The following OR6B2 variants were observed in gnomAD, a reference collection of about 807,000 sequenced individuals.
OR6B2 encodes olfactory receptor 6B2.
For missense variants in OR6B2, 275 were observed against 386.8 expected, an observed-to-expected ratio of 0.71 and a Z score of 2.42; for synonymous variants, 155 against 171.5, an observed-to-expected ratio of 0.90 and a Z score of 0.75.
Position 240,029,861 on chromosome 2 carries a change from G to T in OR6B2, c.569C>A (p.Thr190Lys). The T allele has an allele frequency of 6.2e-7, 1 of 1,603,726 alleles. No homozygotes were observed. Among genetic ancestry groups the T allele is most frequent in the Non-Finnish European group, 8.5e-7 (1 of 1,170,618 alleles). The part of the protein sequence containing the change: ...DISPILKLAC[T>K]DFSTAELVDF... ...CACCAGCTCTGCAGTGGAGAAGTCC[G>T]TGCAGGCCAGCTTGAGGATGGGGGA... The change falls in exon 1 of 1, where the codon ACG (threonine) becomes AAG (lysine). Residue 190 changes from threonine (T) to lysine (K), a missense_variant. Coordinates refer to ENST00000319423, the MANE Select transcript of OR6B2 (RefSeq NM_001005853.1). The surrounding 1 kb of genome is among the most constrained non-coding windows in gnomAD (Gnocchi z 5.2).
In OR6B2 at chr2:240,030,346, G is replaced by A. The variant is rs867049635; in HGVS notation, c.84C>T (p.Phe28=). 7.4e-6 allele frequency: 12 copies of A among 1,612,340 alleles called. No individual in the cohort carries two copies. Among genetic ancestry groups the A allele is most frequent in the Admixed American group, 1.7e-5 (1 of 60,004 alleles). ...AGAGGTAGGTGAGCAGGAAGAGGAGGAAGAGCAGGTACTGCAGCCCTGGGG... is the reference window on the plus strand; with the variant it reads ...AGAGGTAGGTGAGCAGGAAGAGGAGAAAGAGCAGGTACTGCAGCCCTGGGG... ...PTAPGLQYLL[F]LLFLLTYLFV... The change falls in exon 1 of 1, where the codon TTC becomes TTT. Residue 28 remains phenylalanine, a synonymous_variant. Coordinates refer to ENST00000319423, the MANE Select transcript of OR6B2 (RefSeq NM_001005853.1).
rs577181745 is a variant in OR6B2, at chr2:240,030,174, G to T, written c.256C>A (p.Leu86Ile). 10 of 1,609,344 alleles carry T rather than the reference G, an allele frequency of 6.2e-6. No homozygotes were observed. The African/African-American group carries it at 1.3e-4, about 22-fold the overall frequency. ...DITPKMLEGF[L>I]LQQKRISFVG... ...AAAGAGATGCGTTTCTGCTGGAGGA[G>T]GAAGCCCTCCAGCATCTTGGGGGTG... The change falls in exon 1 of 1, where the codon CTC (leucine) becomes ATC (isoleucine). Residue 86 changes from leucine to isoleucine, a missense_variant. Leu to Ile is a conservative substitution (Grantham distance 5). Transcript: ENST00000319423.
rs936920628 is a variant in OR6B2 at position 240,029,732 on chromosome 2, C to G, written c.698G>C (p.Gly233Ala). 10 of 1,613,552 alleles carry G rather than the reference C, an allele frequency of 6.2e-6. No homozygotes were observed. The African/African-American group carries it at 1.1e-4, about 17-fold the overall frequency. The part of the protein sequence containing the change: ...LAVLRIPSAT[G>A]CWRAFSTCAS... ...GCAGGTAGAGAAGGCTCTCCAGCAG[C>G]CGGTGGCCGAGGGGATGCGCAGGAC... Residue 233 changes from glycine to alanine, a missense_variant, in exon 1 of 1, where the codon GGC becomes GCC. Gly to Ala is a moderately conservative substitution (Grantham distance 60). Coordinates refer to ENST00000319423, the MANE Select transcript of OR6B2 (RefSeq NM_001005853.1). The surrounding 1 kb of genome is among the most constrained non-coding windows in gnomAD (Gnocchi z 5.2).
In OR6B2 at chr2:240,030,178, G is replaced by A. The variant is rs1697970155; in HGVS notation, c.252C>T (p.Gly84=). 2 of 1,610,194 alleles carry A rather than the reference G, an allele frequency of 1.2e-6. No individual in the cohort carries two copies. Residue 84 remains glycine, a synonymous_variant, in exon 1 of 1, where the codon GGC becomes GGT. Transcript: ENST00000319423. ...AGATGCGTTTCTGCTGGAGGAGGAA[G>A]CCCTCCAGCATCTTGGGGGTGATGT... ...VSDITPKMLE[G]FLLQQKRISF... is the part of the protein sequence containing the mutation.
Position 240,030,371 on chromosome 2 carries a change from G to T in OR6B2, c.59C>A (p.Ala20Asp). ...GAAGAGCAGGTACTGCAGCCCTGGG[G>T]CCGTGGGGAGGCCCACCAGGATGAA... ...STFILVGLPT[A>D]PGLQYLLFLL... The change falls in exon 1 of 1, where the codon GCC becomes GAC. Residue 20 changes from alanine to aspartate, a missense_variant. Ala to Asp is a moderately radical substitution (Grantham distance 126). Transcript: ENST00000319423. The T allele has an allele frequency of 2.5e-6, 4 of 1,608,790 alleles. No individual in the cohort carries two copies. Among genetic ancestry groups the T allele is most frequent in the African/African-American group, 1.3e-5 (1 of 74,944 alleles).
At position 240,029,627 on chromosome 2, in the gene OR6B2, T is replaced by C. The variant is rs61730693; in HGVS notation, c.803A>G (p.Gln268Arg). ...MYVRPQAIDS[Q>R]SSNKLISAVY... is the part of the protein sequence containing the mutation. ...GGCAGAGATGAGCTTGTTGGAGCTCTGGGAATCAATGGCTTGGGGCCGGAC... is the reference window on the plus strand; with the variant it reads ...GGCAGAGATGAGCTTGTTGGAGCTCCGGGAATCAATGGCTTGGGGCCGGAC... The change falls in exon 1 of 1, where the codon CAG becomes CGG. Residue 268 changes from glutamine to arginine, a missense_variant. Physicochemically the swap from Gln to Arg is conservative, Grantham distance 43. Coordinates refer to ENST00000319423, the MANE Select transcript of OR6B2 (RefSeq NM_001005853.1). The surrounding 1 kb of genome is among the most constrained non-coding windows in gnomAD (Gnocchi z 5.2). 5.3e-6 allele frequency: 8 copies of C among 1,501,250 alleles called. No individual in the cohort carries two copies. The highest frequency in any genetic ancestry group is 3.3e-5 in the Admixed American group (2 of 59,872). 93.0% of individuals were successfully genotyped at this position (1,501,250 alleles called of 1,614,324 possible).
chr2:240,029,520 C>T lies in OR6B2; in HGVS notation c.910G>A (p.Ala304Thr), dbSNP rs1298981315. The T allele has an allele frequency of 2.5e-6, 2 of 813,052 alleles. No homozygotes were observed. The highest frequency in any genetic ancestry group is 1.4e-5 in the South Asian group (1 of 74,046). The allele number at this position is 813,052 out of a possible 1,614,324, so 50.4% of individuals were successfully genotyped here. A position where few individuals can be genotyped will look rare whatever the true frequency, so the allele number is the denominator to read the frequency against. The change falls in exon 1 of 1, where the codon GCC becomes ACC. Residue 304 changes from alanine to threonine, a missense_variant. By Grantham distance (58) the Ala-to-Thr change is moderately conservative. Transcript: ENST00000319423. The surrounding 1 kb of genome is among the most constrained non-coding windows in gnomAD (Gnocchi z 5.2). Reference protein sequence around the residue: ...NKEFKDALKKALGLGQTSH With the variant: ...NKEFKDALKKTLGLGQTSH ...TGTGAAGTTTGACCCAAGCCCAAGG[C>T]CTTTTTCAAGGCGTCCTTAAATTCC...
rs746726194 is a variant in OR6B2, at chr2:240,029,902, G to A, written c.528C>T (p.His176=). The change falls in exon 1 of 1, where the codon CAC becomes CAT. Residue 176 remains histidine (H), a synonymous_variant. Transcript: ENST00000319423. This position sits in a 1 kb window ranked among gnomAD's most constrained non-coding sequence, Gnocchi z 5.2. ...VTFCGSNVLN[H]FFCDISPILK... is the part of the protein sequence containing the mutation. ...GGATGGGGGAAATGTCACAGAAGAA[G>A]TGGTTCAAGACGTTGGAGCCACAGA... 9 of 1,455,252 alleles carry A rather than the reference G, an allele frequency of 6.2e-6. No homozygotes were observed. In the South Asian group the frequency reaches 1.0e-4, roughly 17 times the overall value. 90.1% of individuals were successfully genotyped at this position (1,455,252 alleles called of 1,614,324 possible).
chr2:240,029,783 A>G lies in OR6B2; in HGVS notation c.647T>C (p.Leu216Pro). ...AGCCAGGGTGATGTGCCAATATGACAGTATGGTGGCCAGGAGCGGAAACAC... is the reference window on the plus strand; with the variant it reads ...AGCCAGGGTGATGTGCCAATATGACGGTATGGTGGCCAGGAGCGGAAACAC... ...ILVFPLLATI[L>P]SYWHITLAVL... The change falls in exon 1 of 1, where the codon CTG becomes CCG. Residue 216 changes from leucine to proline, a missense_variant. Leu to Pro is a moderately conservative substitution (Grantham distance 98, BLOSUM62 -3). Coordinates refer to ENST00000319423, the MANE Select transcript of OR6B2 (RefSeq NM_001005853.1). The surrounding 1 kb of genome is among the most constrained non-coding windows in gnomAD (Gnocchi z 5.2). 2 of 1,609,718 alleles carry G rather than the reference A, an allele frequency of 1.2e-6. No homozygotes were observed. The highest frequency in any genetic ancestry group is 8.5e-7 in the Non-Finnish European group (1 of 1,175,910).
In OR6B2 at chr2:240,030,181, C is replaced by T. The variant is rs749380586; in HGVS notation, c.249G>A (p.Glu83=). The part of the protein sequence containing the change: ...YVSDITPKML[E]GFLLQQKRIS... ...TGCGTTTCTGCTGGAGGAGGAAGCC[C>T]TCCAGCATCTTGGGGGTGATGTCAG... The change falls in exon 1 of 1, where the codon GAG becomes GAA. Residue 83 remains glutamate, a synonymous_variant. Coordinates refer to ENST00000319423, the MANE Select transcript of OR6B2 (RefSeq NM_001005853.1). 3.3e-5 allele frequency: 53 copies of T among 1,612,502 alleles called. No individual in the cohort carries two copies. The highest frequency in any genetic ancestry group is 4.3e-5 in the Non-Finnish European group (51 of 1,178,694).
Position 240,029,601 on chromosome 2 carries a change from C to A in OR6B2, c.829G>T (p.Val277Leu). 1.6e-6 allele frequency: 2 copies of A among 1,243,580 alleles called. No individual in the cohort carries two copies. Among genetic ancestry groups the A allele is most frequent in the Middle Eastern group, 1.9e-4 (1 of 5,396 alleles). 77.0% of individuals were successfully genotyped at this position (1,243,580 alleles called of 1,614,324 possible). ...SQSSNKLISA[V>L]YTVVTPIINP... is the part of the protein sequence containing the mutation. ...ATTATTGGCGTGACAACAGTGTACA[C>A]GGCAGAGATGAGCTTGTTGGAGCTC... The change falls in exon 1 of 1, where the codon GTG becomes TTG. Residue 277 changes from valine (V) to leucine (L), a missense_variant. Physicochemically the swap from Val to Leu is conservative, Grantham distance 32. Coordinates refer to ENST00000319423, the MANE Select transcript of OR6B2 (RefSeq NM_001005853.1). The surrounding 1 kb of genome is among the most constrained non-coding windows in gnomAD (Gnocchi z 5.2).
chr2:240,029,864 C>G lies in OR6B2; in HGVS notation c.566G>C (p.Cys189Ser). Residue 189 changes from cysteine (C) to serine (S), a missense_variant, in exon 1 of 1, where the codon TGC becomes TCC. Physicochemically the swap from Cys to Ser is moderately radical, Grantham distance 112. Transcript: ENST00000319423. This position sits in a 1 kb window ranked among gnomAD's most constrained non-coding sequence, Gnocchi z 5.2. ...CAGCTCTGCAGTGGAGAAGTCCGTG[C>G]AGGCCAGCTTGAGGATGGGGGAAAT... ...CDISPILKLA[C>S]TDFSTAELVD... The G allele has an allele frequency of 6.2e-7, 1 of 1,603,326 alleles. No individual in the cohort carries two copies. The highest frequency in any genetic ancestry group is 8.5e-7 in the Non-Finnish European group (1 of 1,170,248).
In OR6B2 at chr2:240,030,127, G is replaced by A; in HGVS notation, c.303C>T (p.Leu101=). 6.5e-7 allele frequency: 1 copy of A among 1,546,664 alleles called. No individual in the cohort carries two copies. The highest frequency in any genetic ancestry group is 1.1e-5 in the South Asian group (1 of 89,644). ...TGCACACCAGGGAGCTGAAGAAGTAGAGCTGCGTCATGCACCCGACGAAAG... is the reference window on the plus strand; with the variant it reads ...TGCACACCAGGGAGCTGAAGAAGTAAAGCTGCGTCATGCACCCGACGAAAG... ...RISFVGCMTQ[L]YFFSSLVCTE... is the part of the protein sequence containing the mutation. The change falls in exon 1 of 1, where the codon CTC becomes CTT. Residue 101 remains leucine, a synonymous_variant. Coordinates refer to ENST00000319423, the MANE Select transcript of OR6B2 (RefSeq NM_001005853.1).
At position 240,029,579 on chromosome 2, in the gene OR6B2, A is replaced by G. The variant is rs1218267666; in HGVS notation, c.851T>C (p.Ile284Thr). The change falls in exon 1 of 1, where the codon ATA becomes ACA. Residue 284 changes from isoleucine (I) to threonine (T), a missense_variant. Transcript: ENST00000319423. The surrounding 1 kb of genome is among the most constrained non-coding windows in gnomAD (Gnocchi z 5.2). ...ISAVYTVVTPIINPLIYCLRN... is the reference protein window; with the variant it reads ...ISAVYTVVTPTINPLIYCLRN... ...CAGGCAGTAAATCAAAGGGTTAATTATTGGCGTGACAACAGTGTACACGGC... is the reference window on the plus strand; with the variant it reads ...CAGGCAGTAAATCAAAGGGTTAATTGTTGGCGTGACAACAGTGTACACGGC... 2.7e-6 allele frequency: 3 copies of G among 1,109,278 alleles called. No individual in the cohort carries two copies. Among genetic ancestry groups the G allele is most frequent in the Non-Finnish European group, 4.2e-6 (3 of 718,462 alleles). The allele number at this position is 1,109,278 out of a possible 1,614,324, so 68.7% of individuals were successfully genotyped here.
rs1482605529 is a variant in OR6B2, at chr2:240,029,735, G to A, written c.695C>T (p.Thr232Ile). The change falls in exon 1 of 1, where the codon ACC (threonine) becomes ATC (isoleucine). Residue 232 changes from threonine to isoleucine, a missense_variant. By Grantham distance (89) the Thr-to-Ile change is moderately conservative. Transcript: ENST00000319423. This position sits in a 1 kb window ranked among gnomAD's most constrained non-coding sequence, Gnocchi z 5.2. ...GGTAGAGAAGGCTCTCCAGCAGCCG[G>A]TGGCCGAGGGGATGCGCAGGACAGC... ...TLAVLRIPSATGCWRAFSTCA... is the reference protein window; with the variant it reads ...TLAVLRIPSAIGCWRAFSTCA... 10 of 1,613,414 alleles carry A rather than the reference G, an allele frequency of 6.2e-6. No individual in the cohort carries two copies. The highest frequency in any genetic ancestry group is 8.5e-6 in the Non-Finnish European group (10 of 1,179,290).
At position 240,029,735 on chromosome 2, in the gene OR6B2, G is replaced by C; in HGVS notation, c.695C>G (p.Thr232Ser). The change falls in exon 1 of 1, where the codon ACC becomes AGC. Residue 232 changes from threonine to serine, a missense_variant. By Grantham distance (58) the Thr-to-Ser change is moderately conservative (BLOSUM62 1). Coordinates refer to ENST00000319423, the MANE Select transcript of OR6B2 (RefSeq NM_001005853.1). This position sits in a 1 kb window ranked among gnomAD's most constrained non-coding sequence, Gnocchi z 5.2. The stretch of plus-strand genomic sequence containing the variant: ...GGTAGAGAAGGCTCTCCAGCAGCCG[G>C]TGGCCGAGGGGATGCGCAGGACAGC... ...TLAVLRIPSA[T>S]GCWRAFSTCA... 1 of 1,613,414 alleles carries C rather than the reference G, an allele frequency of 6.2e-7. No homozygotes were observed. The highest frequency in any genetic ancestry group is 8.5e-7 in the Non-Finnish European group (1 of 1,179,290).
rs372329430 is a variant in OR6B2 at position 240,029,698 on chromosome 2, G to A, written c.732C>T (p.His244=). The change falls in exon 1 of 1, where the codon CAC becomes CAT. Residue 244 remains histidine (H), a synonymous_variant. Transcript: ENST00000319423. The surrounding 1 kb of genome is among the most constrained non-coding windows in gnomAD (Gnocchi z 5.2). ...CWRAFSTCAS[H]LTVVTVFYTA... is the part of the protein sequence containing the mutation. ...TATAGAAGACGGTGACCACGGTGAG[G>A]TGAGAGGCGCAGGTAGAGAAGGCTC... 6.8e-6 allele frequency: 11 copies of A among 1,613,974 alleles called. No homozygotes were observed. In the African/African-American group the frequency reaches 1.5e-4, roughly 22 times the overall value.
At position 240,030,241 on chromosome 2, in the gene OR6B2, C is replaced by G; in HGVS notation, c.189G>C (p.Leu63=). 1 of 1,613,840 alleles carries G rather than the reference C, an allele frequency of 6.2e-7. No homozygotes were observed. Among genetic ancestry groups the G allele is most frequent in the Non-Finnish European group, 8.5e-7 (1 of 1,179,778 alleles). Residue 63 remains leucine (L), a synonymous_variant, in exon 1 of 1, where the codon CTG becomes CTC. Transcript: ENST00000319423. ...TSLHRPMYYF[L]SSMSFLEIWY... Reference sequence around the variant, plus strand: ...AGATCTCCAGGAAAGACATGGAGCTCAGAAAGTAGTACATGGGCCTGTGGA... The same window carrying G: ...AGATCTCCAGGAAAGACATGGAGCTGAGAAAGTAGTACATGGGCCTGTGGA...
chr2:240,030,377 G>A lies in OR6B2; in HGVS notation c.53C>T (p.Pro18Leu). The A allele has an allele frequency of 6.2e-7, 1 of 1,607,670 alleles. No homozygotes were observed. The highest frequency in any genetic ancestry group is 8.5e-7 in the Non-Finnish European group (1 of 1,174,054). Reference protein sequence around the residue: ...KVSTFILVGLPTAPGLQYLLF... With the variant: ...KVSTFILVGLLTAPGLQYLLF... ...CAGGTACTGCAGCCCTGGGGCCGTG[G>A]GGAGGCCCACCAGGATGAAGGTGCT... The change falls in exon 1 of 1, where the codon CCC becomes CTC. Residue 18 changes from proline to leucine, a missense_variant. Pro to Leu is a moderately conservative substitution (Grantham distance 98). Coordinates refer to ENST00000319423, the MANE Select transcript of OR6B2 (RefSeq NM_001005853.1).
Sources: allele counts gnomAD v4.1 joint callset, GRCh38; gene constraint gnomAD v4.1.1; non-coding constraint Gnocchi (gnomAD v3.1); transcripts MANE v1.5; gene names NCBI Gene and HGNC (gene_info 2026-07-23, HGNC 2026-07-21).